The following CDYL variants were observed in gnomAD, a reference collection of about 807,000 sequenced individuals.
CDYL encodes chromodomain Y like, also known as chromodomain Y-like protein.
In CDYL, 8 loss-of-function variants were observed where a neutral mutation model predicts 47.3. That is an observed-to-expected ratio of 0.17 (90% confidence interval 0.10 to 0.31). The LOEUF is 0.31. Among genes scored for constraint, CDYL ranks in the 10% least tolerant of loss-of-function variants. The probability of loss-of-function intolerance (pLI) is 1.00; values close to 1 mark genes in which losing one functional copy is unlikely to be tolerated. For missense variants in CDYL, 471 were observed against 701.4 expected (o/e 0.67, Z 3.71); for synonymous variants, 266 against 265.0 (o/e 1.00, Z -0.04).
chr6:4,762,526 G>A (rs1268761875), intron 3 of CDYL, among the ~76,000 whole-genome samples: 1 of 150,494 alleles, frequency 6.6e-6, no homozygotes, highest in Non-Finnish European at 1.5e-5. Context: ...TCAAACTAAT[G>A]ATCTTATTCA....
At chr6:4,807,507 G>T (rs1172394722) in intron 1 of CDYL, among the ~76,000 whole-genome samples, 2 of 148,780 alleles carry the variant, frequency 1.3e-5, no homozygotes, top group Non-Finnish European at 3.0e-5. Flanking sequence ...GTGATTGTCT[G>T]TTCCTTTGTT....
intron 2 of CDYL, chr6:4,716,011 G>C (rs1757250883): frequency 7.4e-7 from 1 of 1,345,874 alleles, no homozygotes; most frequent in Non-Finnish European, 9.9e-7. Context: ...CACTTTGGGA[G>C]GCCGAGGCGG....
chr6:4,905,499 G>T (rs911359699), intron 2 of CDYL, among the ~76,000 whole-genome samples: 2 of 152,304 alleles, frequency 1.3e-5, no homozygotes, highest in South Asian at 4.1e-4. Flanking sequence ...GCTTAATTCC[G>T]CAGGGGCAGT....
At chr6:4,862,763 A>C (rs951194029) in intron 1 of CDYL, among the ~76,000 whole-genome samples, 2 of 152,210 alleles carry the variant, frequency 1.3e-5, no homozygotes, top group African/African-American at 4.8e-5. Flanking sequence ...GTAATTTTCC[A>C]GGTGGTCCAC....
chr6:4,825,974 T>G (rs115234295), intron 1 of CDYL, among the ~76,000 whole-genome samples: 4,042 of 152,164 alleles, frequency 0.027, 183 homozygotes, highest in African/African-American at 0.092. Context: ...GGTAATGCAG[T>G]GTAGTACCAA....
At chr6:4,874,164 G>A (rs774645006) in intron 1 of CDYL, among the ~76,000 whole-genome samples, 2 of 151,754 alleles carry the variant, frequency 1.3e-5, no homozygotes, top group Admixed American at 1.3e-4. Flanking sequence ...GAGGTTAAAC[G>A]TTACTCATAT....
intron 1 of CDYL, among the ~76,000 whole-genome samples, chr6:4,809,716 C>CCTTGGCGATAT (rs1759472074): frequency 1.0e-5 from 1 of 99,032 alleles, no homozygotes; most frequent in African/African-American, 5.9e-5. Context: ...CTTGGCGATA[C>CCTTGGCGATAT]TTTGTATGGT....
chr6:4,873,940 T>C (rs531664761), intron 1 of CDYL, among the ~76,000 whole-genome samples: 5 of 152,284 alleles, frequency 3.3e-5, no homozygotes, highest in Admixed American at 3.3e-4. Flanking sequence ...TGGGTACACA[T>C]GTGCGTGTCT....
At chr6:4,832,714 T>C (rs1390945602) in intron 1 of CDYL, among the ~76,000 whole-genome samples, 3,374 of 147,552 alleles carry the variant, frequency 0.023, 91 homozygotes, top group African/African-American at 0.081. Flanking sequence ...CCTGGACTCT[T>C]TTTGGTTGGT....
chr6:4,860,262 G>A (rs1761126201), intron 1 of CDYL, among the ~76,000 whole-genome samples: 1 of 151,956 alleles, frequency 6.6e-6, no homozygotes, highest in African/African-American at 2.4e-5. Context: ...TTTGAACTGT[G>A]ACTTTAGTGT....
At chr6:4,773,561 C>A (rs980431443), upstream of CDYL, among the ~76,000 whole-genome samples, 10 of 152,086 alleles carry the variant, frequency 6.6e-5, no homozygotes, top group African/African-American at 2.4e-4. This position sits in a 1 kb window ranked among gnomAD's most constrained non-coding sequence, Gnocchi z 4.6. Flanking sequence ...ACAAATTGAA[C>A]GAATGAGGTT....
At chr6:4,906,069 A>G (rs113069303) in intron 2 of CDYL, among the ~76,000 whole-genome samples, 2,679 of 152,338 alleles carry the variant, frequency 0.018, 80 homozygotes, top group African/African-American at 0.06. Flanking sequence ...AGGAGTGTCT[A>G]CAGCTTTAAT....
chr6:4,725,150 G>C (rs1389855030), intron 2 of CDYL, among the ~76,000 whole-genome samples: 1 of 152,218 alleles, frequency 6.6e-6, no homozygotes, highest in African/African-American at 2.4e-5. Context: ...TAGCTGATTG[G>C]TGTGTTTACA....
rs541913530 is a variant in CDYL, at chr6:4,735,808, C to T, written c.186+964C>T. On this transcript the variant is annotated intron_variant, in intron 3 of 8. Transcript: ENST00000328908. ...GTACATATTTAATGTATACGTGCACCCCCATGAAACTATCACCACAATTTA... is the reference window on the plus strand; with the variant it reads ...GTACATATTTAATGTATACGTGCACTCCCATGAAACTATCACCACAATTTA... Among the ~76,000 whole-genome samples, 3 of 152,226 alleles carry T rather than the reference C, an allele frequency of 2.0e-5. No homozygotes were observed. In the South Asian group the frequency reaches 6.2e-4, roughly 32 times the overall value.
chr6:4,899,468 AGT>A (rs892374629), intron 2 of CDYL, among the ~76,000 whole-genome samples: 1 of 152,202 alleles, frequency 6.6e-6, no homozygotes, highest in Non-Finnish European at 1.5e-5. Context: ...GACAAAAGAA[AGT>A]GGGGTTTCTA....
intron 1 of CDYL, among the ~76,000 whole-genome samples, chr6:4,834,927 G>A (rs918911205): frequency 1.3e-5 from 2 of 152,028 alleles, no homozygotes; most frequent in African/African-American, 4.8e-5. Flanking sequence ...AGCTCCATCA[G>A]CCCCTTTAAG....
chr6:4,759,716 T>A (rs1239797595), intron 3 of CDYL, among the ~76,000 whole-genome samples: 4 of 150,286 alleles, frequency 2.7e-5, no homozygotes, highest in African/African-American at 9.8e-5. Context: ...TCGTCTCTAC[T>A]TAAAATGCAA....
intron 4 of CDYL, among the ~76,000 whole-genome samples, chr6:4,941,843 G>A (rs115269220): frequency 4.6e-5 from 7 of 152,076 alleles, no homozygotes; most frequent in African/African-American, 9.7e-5. Context: ...CCTGGGCAAC[G>A]GCTATAACAG....
chr6:4,954,171 T>A lies in CDYL; in HGVS notation c.*115T>A. 8.8e-7 allele frequency: 1 copy of A among 1,139,684 alleles called. No individual in the cohort carries two copies. The highest frequency in any genetic ancestry group is 1.2e-6 in the Non-Finnish European group (1 of 819,918). 70.6% of individuals were successfully genotyped at this position (1,139,684 alleles called of 1,614,324 possible). A position where few individuals can be genotyped will look rare whatever the true frequency, so the allele number is the denominator to read the frequency against. ...AAACAAGCTCACCCGTAGCTTACGCTTGGAAGCAGGACTGGGAACATCCAC... is the reference window on the plus strand; with the variant it reads ...AAACAAGCTCACCCGTAGCTTACGCATGGAAGCAGGACTGGGAACATCCAC... On this transcript the variant is annotated 3_prime_UTR_variant, in exon 7 of 7. Coordinates refer to ENST00000397588, the MANE Select transcript of CDYL (RefSeq NM_004824.4).
Sources: allele counts gnomAD v4.1 joint callset (sites outside exome capture counted in the v4.1 genomes callset), GRCh38; gene constraint gnomAD v4.1.1; non-coding constraint Gnocchi (gnomAD v3.1); transcripts MANE v1.5; gene names NCBI Gene and HGNC (gene_info 2026-07-23, HGNC 2026-07-21).